PPP1R9A: variants seen among roughly 807,000 people sequenced by gnomAD.
PPP1R9A encodes the protein neurabin-1.
In PPP1R9A, 59 loss-of-function variants were observed where a neutral mutation model predicts 141.9. The ratio of observed to expected loss-of-function variants is 0.42; its 90% CI spans 0.34 to 0.52. PPP1R9A has a LOEUF of 0.52. Ranked by LOEUF, PPP1R9A falls within the 20% of genes least tolerant of loss-of-function variation. The pLI is 0.10. For missense variants in PPP1R9A, 1,444 were observed against 1,611.9 expected (o/e 0.90, Z 1.78); for synonymous variants, 500 against 569.7 (o/e 0.88, Z 1.74).
intron 2 of PPP1R9A, among the ~76,000 whole-genome samples, chr7:94,955,194 A>AT (rs1003782703): frequency 2.0e-5 from 3 of 151,758 alleles, no homozygotes; most frequent in Non-Finnish European, 2.9e-5. Flanking sequence ...AAGCCCTCTC[A>AT]TTTTTTTGTC....
In PPP1R9A at chr7:95,203,841, A is replaced by G. The variant is rs1370899684; in HGVS notation, c.1956+111A>G. 5.4e-6 allele frequency: 4 copies of G among 737,936 alleles called. No individual in the cohort carries two copies. In the East Asian group the frequency reaches 1.2e-4, roughly 21 times the overall value. The allele number at this position is 737,936 out of a possible 1,614,324, so 45.7% of individuals were successfully genotyped here. ...TCTGTATGTTCTGAAGAACTTCTCTAGAGTGATGTGTTTTGTGCATTGAAT... is the reference window on the plus strand; with the variant it reads ...TCTGTATGTTCTGAAGAACTTCTCTGGAGTGATGTGTTTTGTGCATTGAAT... On this transcript the variant is annotated intron_variant, in intron 7 of 19. Transcript: ENST00000433360.
chr7:94,977,054 G>C (rs1360133911), intron 2 of PPP1R9A, among the ~76,000 whole-genome samples: 1 of 151,986 alleles, frequency 6.6e-6, no homozygotes, highest in Non-Finnish European at 1.5e-5. Context: ...TAAACAGCTA[G>C]AATCCTGTAA....
chr7:95,158,252 A>G (rs1829942639), intron 4 of PPP1R9A, among the ~76,000 whole-genome samples: 1 of 152,318 alleles, frequency 6.6e-6, no homozygotes, highest in Non-Finnish European at 1.5e-5. Context: ...CCAGTTGTTT[A>G]TACATTTGAA....
intron 5 of PPP1R9A, among the ~76,000 whole-genome samples, chr7:95,177,944 C>A (rs1197148311): frequency 6.6e-6 from 1 of 152,024 alleles, no homozygotes; most frequent in African/African-American, 2.4e-5. Context: ...TGGGGGACTT[C>A]AGTACTCCAC....
At chr7:95,111,157 A>G in intron 2 of PPP1R9A, 102 bp from the exon 3 acceptor site, 1 of 1,230,866 alleles carries the variant, frequency 8.1e-7, no homozygotes, top group Non-Finnish European at 1.1e-6. Flanking sequence ...ACAGTTGTTT[A>G]GAAGAAATTC....
intron 2 of PPP1R9A, among the ~76,000 whole-genome samples, chr7:95,094,777 G>A (rs1373582023): frequency 3.3e-5 from 5 of 151,068 alleles, no homozygotes; most frequent in African/African-American, 1.2e-4. Context: ...CTACTTGGGA[G>A]GCTGAGGCAG....
chr7:95,155,131 G>A (rs1488674974), intron 4 of PPP1R9A: 5 of 150,736 alleles, frequency 3.3e-5, no homozygotes, highest in African/African-American at 4.9e-5. Flanking sequence ...CCAACTTGTA[G>A]TAGACTAGCA....
chr7:95,224,492 T>C (rs1472045992), intron 7 of PPP1R9A, among the ~76,000 whole-genome samples: 1 of 152,108 alleles, frequency 6.6e-6, no homozygotes, highest in Admixed American at 6.6e-5. Flanking sequence ...AGAAACTGTG[T>C]CTACTTTCAG....
At chr7:95,199,295 A>G (rs1343388510) in intron 6 of PPP1R9A, among the ~76,000 whole-genome samples, 1 of 152,214 alleles carries the variant, frequency 6.6e-6, no homozygotes, top group Non-Finnish European at 1.5e-5. Flanking sequence ...ATCCATCAAC[A>G]ATTTAATTGT....
chr7:95,251,752 T>G lies in PPP1R9A; in HGVS notation c.2397-10T>G, dbSNP rs1263812592. 1 of 1,605,526 alleles carries G rather than the reference T, an allele frequency of 6.2e-7. No homozygotes were observed. Among genetic ancestry groups the G allele is most frequent in the Admixed American group, 1.7e-5 (1 of 59,456 alleles). ...TATGATATAATCAGAACTATTATTT[T>G]CTTCTTAAGAGAGCTTGATTTCATC... On this transcript the variant is annotated splice_polypyrimidine_tract_variant and intron_variant, in intron 10 of 19. Coordinates refer to ENST00000433360, the MANE Select transcript of PPP1R9A (RefSeq NM_001166160.2).
At chr7:95,050,530 C>A (rs1347333605) in intron 2 of PPP1R9A, among the ~76,000 whole-genome samples, 1 of 152,228 alleles carries the variant, frequency 6.6e-6, no homozygotes, top group Admixed American at 6.5e-5. Flanking sequence ...GAGTTCCAAA[C>A]CAGCCTGACC....
At chr7:95,038,876 G>A (rs553187335) in intron 2 of PPP1R9A, among the ~76,000 whole-genome samples, 1 of 152,220 alleles carries the variant, frequency 6.6e-6, no homozygotes, top group East Asian at 1.9e-4. Flanking sequence ...CTCCGAGGAA[G>A]AGTACTTAAA....
At position 95,081,151 on chromosome 7, in the gene PPP1R9A, C is replaced by G. The variant is rs536343809; in HGVS notation, c.1396-30108C>G. On this transcript the variant is annotated intron_variant, in intron 2 of 19. Transcript: ENST00000433360. The stretch of plus-strand genomic sequence containing the variant: ...ACTTTCTGCATAATTTAACCACATC[C>G]CAGAAAAAAAAGCTTAAGGATATTT... Among the ~76,000 whole-genome samples, 10 of 151,900 alleles carry G rather than the reference C, an allele frequency of 6.6e-5. No homozygotes were observed. In the South Asian group the frequency reaches 1.9e-3, roughly 28 times the overall value.
At chr7:95,270,111 C>T (rs1201586983) in intron 14 of PPP1R9A, among the ~76,000 whole-genome samples, 1 of 152,098 alleles carries the variant, frequency 6.6e-6, no homozygotes, top group Non-Finnish European at 1.5e-5. Context: ...TATTTTCATG[C>T]TACAGTAGCA....
At chr7:94,924,840 A>G (rs11980688) in intron 2 of PPP1R9A, among the ~76,000 whole-genome samples, 1,946 of 152,138 alleles carry the variant, frequency 0.013, 46 homozygotes, top group African/African-American at 0.045. Context: ...TACCAAACGA[A>G]ATTCTTACTC....
intron 5 of PPP1R9A, among the ~76,000 whole-genome samples, chr7:95,168,737 A>G (rs1831656110): frequency 6.6e-6 from 1 of 152,148 alleles, no homozygotes; most frequent in South Asian, 2.1e-4. Flanking sequence ...GGATATGAAT[A>G]GACATTTCTC....
At chr7:95,141,328 AT>A (rs1826641064) in intron 4 of PPP1R9A, among the ~76,000 whole-genome samples, 3 of 152,112 alleles carry the variant, frequency 2.0e-5, no homozygotes, top group South Asian at 2.1e-4. Flanking sequence ...TCTAAGATTT[AT>A]TTTTTTACAC....
chr7:95,082,016 C>T (rs1231092251), intron 2 of PPP1R9A, among the ~76,000 whole-genome samples: 1 of 152,156 alleles, frequency 6.6e-6, no homozygotes, highest in Non-Finnish European at 1.5e-5. Flanking sequence ...ATCCCATTTT[C>T]ATTGAATTGT....
In PPP1R9A at chr7:95,244,322, G is replaced by A. The variant is rs149576253; in HGVS notation, c.2113-3151G>A. Among the ~76,000 whole-genome samples, 649 of 152,238 alleles carry A rather than the reference G, an allele frequency of 4.3e-3. 4 individuals are homozygous for A. The highest frequency in any genetic ancestry group is 0.014 in the African/African-American group (585 of 41,544). ...TTTACCTGGGTTTGTCCCACAATTT[G>A]TGGATTAATCTAGTGTATTTATTCA... On this transcript the variant is annotated intron_variant, in intron 8 of 19. Transcript: ENST00000433360.
Sources: allele counts gnomAD v4.1 joint callset (sites outside exome capture counted in the v4.1 genomes callset), GRCh38; gene constraint gnomAD v4.1.1; transcripts MANE v1.5; gene names NCBI Gene and HGNC (gene_info 2026-07-23, HGNC 2026-07-21).